The following ASB18 variants were observed in gnomAD, a reference collection of about 807,000 sequenced individuals.
The protein encoded by ASB18 is ankyrin repeat and SOCS box containing 18, also known as ankyrin repeat and SOCS box protein 18.
Under a neutral mutation model 33.4 loss-of-function variants are expected in ASB18, and 33 were observed. That is an observed-to-expected ratio of 0.99 (90% CI 0.75 to 1.32). The LOEUF is 1.32. Among genes scored for constraint, ASB18 ranks in the 40% most tolerant of loss-of-function variants. The pLI is 0.00. For missense variants in ASB18, 694 were observed against 655.5 expected, an observed-to-expected ratio of 1.06 and a Z score of -0.64; for synonymous variants, 295 against 307.6, an observed-to-expected ratio of 0.96 and a Z score of 0.43.
rs58000057 is a variant in ASB18 at position 236,213,370 on chromosome 2, A to G, written c.1101+992T>C. ...AGAAATGAGTGAATCTCACTTCTCG[A>G]TGGTTCAGACCACTGAGAACACTGT... On this transcript the variant is annotated intron_variant, in intron 4 of 5. Transcript: ENST00000409749. This position sits in a 1 kb window ranked among gnomAD's most constrained non-coding sequence, Gnocchi z 4.8. 0.053 allele frequency among the ~76,000 whole-genome samples: 8,047 copies of G among 152,208 alleles called. 478 individuals are homozygous for G. Among genetic ancestry groups the G allele is most frequent in the African/African-American group, 0.15 (6,037 of 41,500 alleles).
At position 236,252,972 on chromosome 2, in the gene ASB18, C is replaced by T. The variant is rs558430196; in HGVS notation, c.205+11169G>A. Among the ~76,000 whole-genome samples, 7 of 152,340 alleles carry T rather than the reference C, an allele frequency of 4.6e-5. No individual in the cohort carries two copies. In the East Asian group the frequency reaches 1.4e-3, roughly 29 times the overall value. On this transcript the variant is annotated intron_variant, in intron 1 of 5. Coordinates refer to ENST00000409749, the MANE Select transcript of ASB18 (RefSeq NM_212556.4). The surrounding 1 kb of genome is among the most constrained non-coding windows in gnomAD (Gnocchi z 7.9). ...CTAGAGCTGTCCTGCCATTTTGGCC[C>T]CATGCAGGGAAAACTGTGACAGGTC... is the stretch of plus-strand genomic sequence containing the variant.
chr2:236,202,858 T>A (rs72620804), intron 4 of ASB18, among the ~76,000 whole-genome samples: 22,797 of 146,186 alleles, frequency 0.16, 1,904 homozygotes, highest in South Asian at 0.23. Flanking sequence ...GTATCTTTTA[T>A]GTTCCGGATA....
chr2:236,263,998 T>G lies in ASB18; in HGVS notation c.205+143A>C. ...ACATGGTCTATGCAGTACACATATA[T>G]GCATGTATGTATGAGAGTCAGATAT... On this transcript the variant is annotated intron_variant, in intron 1 of 5. Coordinates refer to ENST00000409749, the MANE Select transcript of ASB18 (RefSeq NM_212556.4). The surrounding 1 kb of genome is among the most constrained non-coding windows in gnomAD (Gnocchi z 4.0). The G allele has an allele frequency of 1.4e-6, 1 of 689,918 alleles. No homozygotes were observed. The highest frequency in any genetic ancestry group is 2.5e-6 in the Non-Finnish European group (1 of 396,876). The allele number at this position is 689,918 out of a possible 1,614,324, so 42.7% of individuals were successfully genotyped here. A position where few individuals can be genotyped will look rare whatever the true frequency, so the allele number is the denominator to read the frequency against.
intron 4 of ASB18, among the ~76,000 whole-genome samples, chr2:236,210,793 G>A (rs1167220667): frequency 6.6e-6 from 1 of 152,206 alleles, no homozygotes; most frequent in African/African-American, 2.4e-5. Context: ...GTTCCCAAAG[G>A]AACACCTGTG....
chr2:236,216,543 GTCTT>G lies in ASB18; in HGVS notation c.597-1681_597-1678del, dbSNP rs543822580. 6.6e-5 allele frequency among the ~76,000 whole-genome samples: 10 copies of G among 152,218 alleles called. 1 individual carries two copies. The highest frequency in any genetic ancestry group is 2.6e-4 in the Admixed American group (4 of 15,284). ...ATGACTTGCTTCTTGCCATTTTCCT[GTCTT>G]TCTATTTCCCTGCCCCATTTCAACT... is the stretch of plus-strand genomic sequence containing the variant. On this transcript the variant is annotated intron_variant, in intron 3 of 5. Coordinates refer to ENST00000409749, the MANE Select transcript of ASB18 (RefSeq NM_212556.4). This position sits in a 1 kb window ranked among gnomAD's most constrained non-coding sequence, Gnocchi z 6.1.
rs2060512193 is a variant in ASB18, at chr2:236,221,348, T to A, written c.597-6482A>T. On this transcript the variant is annotated intron_variant, in intron 3 of 5. Transcript: ENST00000409749. The surrounding 1 kb of genome is among the most constrained non-coding windows in gnomAD (Gnocchi z 5.6). ...CTTCTGAACATTTTGTTAGTAATGT[T>A]AAACATCTCATATGGTTTGGTTGTG... 1.3e-5 allele frequency among the ~76,000 whole-genome samples: 2 copies of A among 152,238 alleles called. No individual in the cohort carries two copies. The highest frequency in any genetic ancestry group is 4.1e-4 in the South Asian group (2 of 4,832).
Position 236,214,429 on chromosome 2 carries a change from G to A in ASB18, c.1034C>T (p.Pro345Leu). ...QTASCALQASPQRTVQALLNH... is the reference protein window; with the variant it reads ...QTASCALQASLQRTVQALLNH... ...GAGCAGCGCCTGCACCGTGCGCTGCGGTGAGGCCTGGAGAGCGCAGGATGC... is the reference window on the plus strand; with the variant it reads ...GAGCAGCGCCTGCACCGTGCGCTGCAGTGAGGCCTGGAGAGCGCAGGATGC... Residue 345 changes from proline (P) to leucine (L), a missense_variant, in exon 4 of 6, where the codon CCG becomes CTG. Transcript: ENST00000409749. This position sits in a 1 kb window ranked among gnomAD's most constrained non-coding sequence, Gnocchi z 6.5. 6.4e-7 allele frequency: 1 copy of A among 1,556,766 alleles called. No homozygotes were observed. The highest frequency in any genetic ancestry group is 8.6e-7 in the Non-Finnish European group (1 of 1,158,084).
intron 3 of ASB18, among the ~76,000 whole-genome samples, chr2:236,218,212 G>A (rs529801033): frequency 1.3e-5 from 2 of 152,302 alleles, no homozygotes; most frequent in African/African-American, 4.8e-5. Context: ...CTGGAGGGCT[G>A]CAGATGCTCT....
chr2:236,202,882 T>C (rs1295465523), intron 4 of ASB18, among the ~76,000 whole-genome samples: 2 of 151,544 alleles, frequency 1.3e-5, no homozygotes, highest in Non-Finnish European at 1.5e-5. Flanking sequence ...CATCATCCTT[T>C]CTCTTACATT....
rs1425280274 is a variant in ASB18, at chr2:236,231,073, A to G, written c.596+6616T>C. Reference sequence around the variant, plus strand: ...CACTGAAGTCTATCTTCTGGTGTCCATGCTCTTCTCTCCTCTCCTTGAGCG... The same window carrying G: ...CACTGAAGTCTATCTTCTGGTGTCCGTGCTCTTCTCTCCTCTCCTTGAGCG... On this transcript the variant is annotated intron_variant, in intron 3 of 5. Coordinates refer to ENST00000409749, the MANE Select transcript of ASB18 (RefSeq NM_212556.4). The surrounding 1 kb of genome is among the most constrained non-coding windows in gnomAD (Gnocchi z 5.5). Among the ~76,000 whole-genome samples the G allele has an allele frequency of 6.6e-6, 1 of 152,164 alleles. No individual in the cohort carries two copies. Among genetic ancestry groups the G allele is most frequent in the Non-Finnish European group, 1.5e-5 (1 of 68,038 alleles).
intron 3 of ASB18, among the ~76,000 whole-genome samples, chr2:236,236,395 C>A (rs1167151979): frequency 6.6e-6 from 1 of 152,126 alleles, no homozygotes; most frequent in African/African-American, 2.4e-5. Context: ...GGAGGGAGAA[C>A]CGTGGGCACC....
At chr2:236,236,516 C>G (rs2060589856) in intron 3 of ASB18, among the ~76,000 whole-genome samples, 1 of 152,156 alleles carries the variant, frequency 6.6e-6, no homozygotes, top group African/African-American at 2.4e-5. Flanking sequence ...ACACGTGCCG[C>G]TTGCTGAATG....
chr2:236,216,699 T>G lies in ASB18; in HGVS notation c.597-1833A>C, dbSNP rs1251831999. Among the ~76,000 whole-genome samples the G allele has an allele frequency of 6.6e-6, 1 of 152,222 alleles. No homozygotes were observed. Among genetic ancestry groups the G allele is most frequent in the Non-Finnish European group, 1.5e-5 (1 of 68,034 alleles). On this transcript the variant is annotated intron_variant, in intron 3 of 5. Coordinates refer to ENST00000409749, the MANE Select transcript of ASB18 (RefSeq NM_212556.4). The surrounding 1 kb of genome is among the most constrained non-coding windows in gnomAD (Gnocchi z 6.1). ...TCTTCATTTGCCCCTTGCTGCAATC[T>G]AGCAAACTGCATACTATCTGGAAAG... is the stretch of plus-strand genomic sequence containing the variant.
At chr2:236,207,574 T>C (rs1054171812) in intron 4 of ASB18, among the ~76,000 whole-genome samples, 1 of 152,132 alleles carries the variant, frequency 6.6e-6, no homozygotes, top group Non-Finnish European at 1.5e-5. Flanking sequence ...TTTGCCAACA[T>C]GCAGGGGAAG....
At position 236,228,284 on chromosome 2, in the gene ASB18, C is replaced by A. The variant is rs184618895; in HGVS notation, c.596+9405G>T. Reference sequence around the variant, plus strand: ...TTGGCAGTATTGGATTTCTCAACCTCCCAAAGGGCCTCTGGGCTCTCAGGC... The same window carrying A: ...TTGGCAGTATTGGATTTCTCAACCTACCAAAGGGCCTCTGGGCTCTCAGGC... On this transcript the variant is annotated intron_variant, in intron 3 of 5. Coordinates refer to ENST00000409749, the MANE Select transcript of ASB18 (RefSeq NM_212556.4). The surrounding 1 kb of genome is among the most constrained non-coding windows in gnomAD (Gnocchi z 5.1). Among the ~76,000 whole-genome samples, 49 of 152,290 alleles carry A rather than the reference C, an allele frequency of 3.2e-4. No homozygotes were observed. The highest frequency in any genetic ancestry group is 1.2e-3 in the African/African-American group (49 of 41,560).
chr2:236,204,236 G>A lies in ASB18; in HGVS notation c.1102-7851C>T, dbSNP rs1341827338. ...CAATGCTGCTCTTGGCCCAGGCTCT[G>A]CCTCGCCAGTGGTCCATGCTCTGCC... is the stretch of plus-strand genomic sequence containing the variant. On this transcript the variant is annotated intron_variant, in intron 4 of 5. Coordinates refer to ENST00000409749, the MANE Select transcript of ASB18 (RefSeq NM_212556.4). This position sits in a 1 kb window ranked among gnomAD's most constrained non-coding sequence, Gnocchi z 5.1. 1.3e-5 allele frequency among the ~76,000 whole-genome samples: 2 copies of A among 152,170 alleles called. No individual in the cohort carries two copies. Among genetic ancestry groups the A allele is most frequent in the Admixed American group, 1.3e-4 (2 of 15,282 alleles).
rs114933749 is a variant in ASB18, at chr2:236,208,630, C to T, written c.1101+5732G>A. ...CCACCTCCTCCCGCCCCTCCCCCACCGGGTCACAGACTGTGACAGAGTCTT... is the reference window on the plus strand; with the variant it reads ...CCACCTCCTCCCGCCCCTCCCCCACTGGGTCACAGACTGTGACAGAGTCTT... On this transcript the variant is annotated intron_variant, in intron 4 of 5. Coordinates refer to ENST00000409749, the MANE Select transcript of ASB18 (RefSeq NM_212556.4). This position sits in a 1 kb window ranked among gnomAD's most constrained non-coding sequence, Gnocchi z 7.7. Among the ~76,000 whole-genome samples, 3,905 of 152,218 alleles carry T rather than the reference C, an allele frequency of 0.026. 168 individuals are homozygous for T. The highest frequency in any genetic ancestry group is 0.084 in the African/African-American group (3,476 of 41,510).
In ASB18 at chr2:236,249,446, G is replaced by A. The variant is rs1314937357; in HGVS notation, c.206-8044C>T. ...TATTCCACTCTTCACTTCCATTTCT[G>A]TTTCCATTCTCTCTGGTACAGCCAT... On this transcript the variant is annotated intron_variant, in intron 1 of 5. Transcript: ENST00000409749. The surrounding 1 kb of genome is among the most constrained non-coding windows in gnomAD (Gnocchi z 4.6). 1 of 152,108 alleles carries A rather than the reference G, an allele frequency of 6.6e-6. No individual in the cohort carries two copies. The highest frequency in any genetic ancestry group is 1.5e-5 in the Non-Finnish European group (1 of 68,078). The allele number at this position is 152,108 out of a possible 1,614,324, so 9.4% of individuals were successfully genotyped here. A position where few individuals can be genotyped will look rare whatever the true frequency, so the allele number is the denominator to read the frequency against.
chr2:236,233,043 T>G (rs2106276574), intron 3 of ASB18, among the ~76,000 whole-genome samples: 1 of 152,154 alleles, frequency 6.6e-6, no homozygotes, highest in South Asian at 2.1e-4. Context: ...ATACTAAATA[T>G]TTTTTCCAGC....
Sources: gnomAD v4.1 joint callset for allele counts (sites outside exome capture counted in the v4.1 genomes callset) on GRCh38, gnomAD v4.1.1 for gene constraint, Gnocchi (gnomAD v3.1) non-coding constraint, MANE v1.5 for transcripts, NCBI Gene and HGNC (gene_info 2026-07-23, HGNC 2026-07-21) for gene names.